Variants in METTL9 observed in about 807,000 individuals in gnomAD.
METTL9 encodes the protein protein-L-histidine N-pros-methyltransferase.
In METTL9, 10 loss-of-function variants were observed where a neutral mutation model predicts 36.0. That is an observed-to-expected ratio of 0.28 (90% confidence interval 0.17 to 0.47). METTL9 has a LOEUF of 0.47. Ranked by LOEUF, METTL9 falls within the 20% of genes least tolerant of loss-of-function variation. The probability of loss-of-function intolerance (pLI) is 0.99; values close to 1 mark genes in which losing one functional copy is unlikely to be tolerated. For missense variants in METTL9, 246 were observed against 383.5 expected (o/e 0.64, Z 3.00); for synonymous variants, 175 against 149.7 (o/e 1.17, Z -1.23).
intron 3 of METTL9, among the ~76,000 whole-genome samples, chr16:21,622,219 A>G (rs1329221790): frequency 7.1e-6 from 1 of 140,884 alleles, no homozygotes; most frequent in African/African-American, 2.7e-5. Flanking sequence ...ATCATAGCTC[A>G]CTGTAACCTC....
rs115412602 is a variant in METTL9 at position 21,623,040 on chromosome 16, A to T, written c.567-1891A>T. On this transcript the variant is annotated intron_variant, in intron 3 of 4. Coordinates refer to ENST00000358154, the MANE Select transcript of METTL9 (RefSeq NM_016025.5). ...ATTTTTTAGAATGGGAATTGATGAC[A>T]TTTTTGTTCTGAAAGTAGTCTTCTT... Among the ~76,000 whole-genome samples the T allele has an allele frequency of 2.5e-3, 383 of 152,278 alleles. 3 individuals carry two copies. The highest frequency in any genetic ancestry group is 7.2e-3 in the African/African-American group (300 of 41,570).
chr16:21,619,345 T>C (rs1177713246), intron 3 of METTL9, among the ~76,000 whole-genome samples: 2 of 152,150 alleles, frequency 1.3e-5, no homozygotes, highest in African/African-American at 4.8e-5. Context: ...ATTTTCTGTT[T>C]TGTTTTGCTT....
intron 4 of METTL9, among the ~76,000 whole-genome samples, chr16:21,644,580 G>A (rs184810682): frequency 6.6e-6 from 1 of 152,262 alleles, no homozygotes; most frequent in East Asian, 1.9e-4. Context: ...CAGTTCATCA[G>A]TTCTTTAAAT....
chr16:21,638,583 C>T (rs1966165933), intron 4 of METTL9, among the ~76,000 whole-genome samples: 3 of 152,122 alleles, frequency 2.0e-5, no homozygotes, highest in African/African-American at 7.2e-5. Context: ...CACGCTTTTG[C>T]TCTTAAAACA....
chr16:21,615,339 C>T (rs1965528181), intron 2 of METTL9, among the ~76,000 whole-genome samples: 1 of 152,276 alleles, frequency 6.6e-6, no homozygotes, highest in South Asian at 2.1e-4. Context: ...AGGCAGTCCT[C>T]CTGCCTCAGT....
At chr16:21,624,861 C>A in intron 3 of METTL9, 70 bp from the exon 4 acceptor site, 1 of 1,354,856 alleles carries the variant, frequency 7.4e-7, no homozygotes, top group Non-Finnish European at 1.0e-6. Context: ...CCTTTATTGT[C>A]ATCTCAGTTA....
At chr16:21,624,143 C>A (rs994960453) in intron 3 of METTL9, among the ~76,000 whole-genome samples, 2 of 152,078 alleles carry the variant, frequency 1.3e-5, no homozygotes, top group African/African-American at 4.8e-5. Flanking sequence ...GAAATGTGCT[C>A]AAAGGTCATA....
At position 21,622,234 on chromosome 16, in the gene METTL9, T is replaced by C. The variant is rs560375862; in HGVS notation, c.567-2697T>C. Among the ~76,000 whole-genome samples, 4 of 147,586 alleles carry C rather than the reference T, an allele frequency of 2.7e-5. No individual in the cohort carries two copies. In the East Asian group the frequency reaches 6.2e-4, roughly 23 times the overall value. Reference sequence around the variant, plus strand: ...ATCATAGCTCACTGTAACCTCAAACTCTTGTGTTCAAGCCATCCTCCTGCC... The same window carrying C: ...ATCATAGCTCACTGTAACCTCAAACCCTTGTGTTCAAGCCATCCTCCTGCC... On this transcript the variant is annotated intron_variant, in intron 3 of 4. Coordinates refer to ENST00000358154, the MANE Select transcript of METTL9 (RefSeq NM_016025.5).
At chr16:21,616,526 C>T (rs768655139) in intron 2 of METTL9, among the ~76,000 whole-genome samples, 2 of 152,158 alleles carry the variant, frequency 1.3e-5, no homozygotes, top group African/African-American at 2.4e-5. Flanking sequence ...TGAGACTTGG[C>T]TGGACCTATA....
chr16:21,638,188 G>A (rs1371169718), intron 4 of METTL9, among the ~76,000 whole-genome samples: 1 of 152,112 alleles, frequency 6.6e-6, no homozygotes, highest in African/African-American at 2.4e-5. Flanking sequence ...CATGGTGGCA[G>A]ATGCCTATAA....
intron 4 of METTL9, among the ~76,000 whole-genome samples, chr16:21,628,607 C>T (rs1048318564): frequency 6.6e-6 from 1 of 152,122 alleles, no homozygotes; most frequent in South Asian, 2.1e-4. Flanking sequence ...TATTCTCCCA[C>T]CTCAGCCTCC....
chr16:21,605,929 G>A (rs866142540), intron 1 of METTL9, among the ~76,000 whole-genome samples: 8 of 152,116 alleles, frequency 5.3e-5, no homozygotes, highest in African/African-American at 1.9e-4. Context: ...GAAGTCCTGG[G>A]TTCCCAGGCT....
In METTL9 at chr16:21,655,509, C is replaced by T. The variant is rs750378458; in HGVS notation, c.*77C>T. 262 of 1,276,464 alleles carry T rather than the reference C, an allele frequency of 2.1e-4. No individual in the cohort carries two copies. Among genetic ancestry groups the T allele is most frequent in the Non-Finnish European group, 1.1e-4 (100 of 910,068 alleles). The allele number at this position is 1,276,464 out of a possible 1,614,324, so 79.1% of individuals were successfully genotyped here. A position where few individuals can be genotyped will look rare whatever the true frequency, so the allele number is the denominator to read the frequency against. On this transcript the variant is annotated 3_prime_UTR_variant, in exon 5 of 5. Coordinates refer to ENST00000358154, the MANE Select transcript of METTL9 (RefSeq NM_016025.5). The stretch of plus-strand genomic sequence containing the variant: ...GGAAGAGGGTCTGTGTTCACAATTA[C>T]GTGAAGGGAGGACCCTTGGGGACCG...
chr16:21,635,668 G>A (rs755829986), intron 4 of METTL9, among the ~76,000 whole-genome samples: 16 of 152,058 alleles, frequency 1.1e-4, no homozygotes, highest in African/African-American at 2.9e-4. Context: ...AAAATGAGCC[G>A]CTTCTTTTTC....
At chr16:21,646,094 A>G (rs1204605915) in intron 4 of METTL9, among the ~76,000 whole-genome samples, 3 of 152,062 alleles carry the variant, frequency 2.0e-5, no homozygotes, top group African/African-American at 7.2e-5. Flanking sequence ...CAACAAGGCG[A>G]GGAGTTGCTG....
At chr16:21,615,197 T>C (rs991390639) in intron 2 of METTL9, among the ~76,000 whole-genome samples, 17 of 152,154 alleles carry the variant, frequency 1.1e-4, no homozygotes, top group Admixed American at 5.2e-4. Context: ...TCTTTCGAAA[T>C]AGGACAATGC....
chr16:21,649,153 C>T (rs546039467), intron 4 of METTL9, among the ~76,000 whole-genome samples: 1 of 152,138 alleles, frequency 6.6e-6, no homozygotes, highest in East Asian at 1.9e-4. Flanking sequence ...GCACTGTGCC[C>T]AGCTAATTTT....
intron 1 of METTL9, 141 bp downstream of exon 1, chr16:21,600,039 C>T (rs954078799): frequency 6.5e-6 from 5 of 765,584 alleles, no homozygotes; most frequent in Non-Finnish European, 8.6e-6. Context: ...AAGTTTTCCC[C>T]GCGCCTTCCC....
Position 21,656,325 on chromosome 16 carries a change from T to C in METTL9, c.*893T>C, listed in dbSNP as rs1966709590. The C allele has an allele frequency of 6.6e-6, 1 of 152,142 alleles. No homozygotes were observed. 9.4% of individuals were successfully genotyped at this position (152,142 alleles called of 1,614,324 possible). On this transcript the variant is annotated 3_prime_UTR_variant, in exon 5 of 5. Transcript: ENST00000358154. ...AATTGAAACATTCAGTTTTGTCTAC[T>C]GACAAAATGCAACTAAAAATGTTTT...
Sources: gnomAD v4.1 joint callset for allele counts (sites outside exome capture counted in the v4.1 genomes callset) on GRCh38, gnomAD v4.1.1 for gene constraint, MANE v1.5 for transcripts, NCBI Gene and HGNC (gene_info 2026-07-23, HGNC 2026-07-21) for gene names.